AGAP1: variants seen among roughly 807,000 people sequenced by gnomAD.
AGAP1 encodes arf-GAP with GTPase, ANK repeat and PH domain-containing protein 1.
A neutral mutation model predicts 105.3 loss-of-function variants in AGAP1; 29 were observed. That is an observed-to-expected ratio of 0.28 (90% confidence interval 0.21 to 0.38). The LOEUF is 0.38. Ranked by LOEUF, AGAP1 falls within the 10% of genes least tolerant of loss-of-function variation. AGAP1 has a pLI of 1.00. For missense variants in AGAP1, 998 were observed against 1,165.1 expected (o/e 0.86, Z 2.09); for synonymous variants, 509 against 485.9 (o/e 1.05, Z -0.63).
At position 235,734,920 on chromosome 2, in the gene AGAP1, C is replaced by T. The variant is rs1952159101; in HGVS notation, c.311-6043C>T. ...GCTCTGTGTCTGAACTCCTTTTCCT[C>T]CTGAGTGGATTTGGGTGTTGCCAGT... is the stretch of plus-strand genomic sequence containing the variant. On this transcript the variant is annotated intron_variant, in intron 3 of 17. Coordinates refer to ENST00000304032, the MANE Select transcript of AGAP1 (RefSeq NM_001037131.3). The surrounding 1 kb of genome is among the most constrained non-coding windows in gnomAD (Gnocchi z 5.3). Among the ~76,000 whole-genome samples the T allele has an allele frequency of 6.6e-6, 1 of 151,956 alleles. No individual in the cohort carries two copies. The highest frequency in any genetic ancestry group is 2.4e-5 in the African/African-American group (1 of 41,412).
chr2:235,746,377 C>CTTTTTCTTTT (rs1553620164), intron 5 of AGAP1, among the ~76,000 whole-genome samples: 7 of 55,536 alleles, frequency 1.3e-4, no homozygotes, highest in Non-Finnish European at 2.1e-4. Flanking sequence ...CCTCCCCCAA[C>CTTTTTCTTTT]TTTTTTTTTT....
chr2:235,995,183 CT>C (rs2125475381), intron 13 of AGAP1, among the ~76,000 whole-genome samples: 2 of 149,148 alleles, frequency 1.3e-5, no homozygotes, highest in South Asian at 4.3e-4. Flanking sequence ...ATTTAATTTA[CT>C]TAAAGCTGTC....
intron 9 of AGAP1, among the ~76,000 whole-genome samples, chr2:235,860,269 T>C (rs2048875087): frequency 6.6e-6 from 1 of 152,214 alleles, no homozygotes; most frequent in African/African-American, 2.4e-5. Flanking sequence ...AAAAGGAAGA[T>C]AATAATGCTG....
chr2:235,781,648 G>A (rs1174940537), intron 6 of AGAP1, among the ~76,000 whole-genome samples: 1 of 152,130 alleles, frequency 6.6e-6, no homozygotes, highest in Non-Finnish European at 1.5e-5. Flanking sequence ...AGTCTCGGAG[G>A]CACCTAGAAG....
chr2:235,917,899 G>A (rs1191318196), intron 11 of AGAP1, among the ~76,000 whole-genome samples: 3 of 152,174 alleles, frequency 2.0e-5, no homozygotes, highest in Admixed American at 6.5e-5. Flanking sequence ...ACGCGGAGTC[G>A]CGAAGCTGCT....
At chr2:235,985,730 C>A (rs1307564438) in intron 13 of AGAP1, among the ~76,000 whole-genome samples, 2 of 152,168 alleles carry the variant, frequency 1.3e-5, no homozygotes, top group Non-Finnish European at 2.9e-5. Flanking sequence ...ATAGGAAATC[C>A]TTTCCCCATT....
intron 16 of AGAP1, among the ~76,000 whole-genome samples, chr2:236,102,598 AAAAGAAAG>A: frequency 7.4e-6 from 1 of 135,618 alleles, no homozygotes; most frequent in African/African-American, 3.3e-5. Flanking sequence ...AAAAAAAAAA[AAAAGAAAG>A]AAAGAAAGAA....
intron 1 of AGAP1, among the ~76,000 whole-genome samples, chr2:235,682,015 A>C (rs1025583228): frequency 2.6e-5 from 4 of 151,690 alleles, no homozygotes; most frequent in African/African-American, 9.7e-5. Context: ...ACGCCCAGCT[A>C]ATTTTTTTTG....
chr2:235,818,477 CTG>C (rs1301944481), intron 9 of AGAP1, among the ~76,000 whole-genome samples: 3 of 152,192 alleles, frequency 2.0e-5, no homozygotes, highest in African/African-American at 7.2e-5. Context: ...CAGTCTTGCT[CTG>C]TCACCCAGGC....
intron 6 of AGAP1, among the ~76,000 whole-genome samples, chr2:235,774,743 C>A (rs2249999): frequency 0.24 from 36,306 of 152,052 alleles, 4,938 homozygotes; most frequent in Admixed American, 0.39. Flanking sequence ...TTTTCAATGA[C>A]GTCTCAGAGT....
chr2:235,731,162 G>C (rs1362014146), intron 3 of AGAP1, among the ~76,000 whole-genome samples: 1 of 152,218 alleles, frequency 6.6e-6, no homozygotes, highest in Non-Finnish European at 1.5e-5. Flanking sequence ...AGATGTTCTT[G>C]ACCTGTGTAG....
At chr2:236,102,145 C>G (rs866497283) in intron 16 of AGAP1, among the ~76,000 whole-genome samples, 3 of 152,008 alleles carry the variant, frequency 2.0e-5, no homozygotes, top group Non-Finnish European at 2.9e-5. Flanking sequence ...AGGCCGGGCG[C>G]GGTGGCTCAC....
chr2:236,069,488 A>G (rs997578689), intron 16 of AGAP1, among the ~76,000 whole-genome samples: 2 of 152,174 alleles, frequency 1.3e-5, no homozygotes, highest in African/African-American at 2.4e-5. Flanking sequence ...CAGTGGCACA[A>G]CCTCGGCTCA....
At chr2:236,088,684 C>T (rs2058988169) in intron 16 of AGAP1, among the ~76,000 whole-genome samples, 1 of 152,192 alleles carries the variant, frequency 6.6e-6, no homozygotes. Context: ...TTTTTGTAAA[C>T]TAAGTCCAGA....
At chr2:235,554,815 G>A (rs557416468) in intron 1 of AGAP1, among the ~76,000 whole-genome samples, 4 of 152,162 alleles carry the variant, frequency 2.6e-5, no homozygotes, top group South Asian at 2.1e-4. Flanking sequence ...GATTACAGGC[G>A]CCTGCCACCA....
chr2:235,849,165 G>T (rs974554331), intron 9 of AGAP1, among the ~76,000 whole-genome samples: 3 of 152,212 alleles, frequency 2.0e-5, no homozygotes, highest in Admixed American at 2.0e-4. Context: ...TTAGCAGCAA[G>T]AGAATTTAAT....
rs1267447710 is a variant in AGAP1, at chr2:235,799,696, T to C, written c.957+174T>C. Among the ~76,000 whole-genome samples the C allele has an allele frequency of 1.3e-5, 2 of 152,174 alleles. No homozygotes were observed. The highest frequency in any genetic ancestry group is 4.8e-5 in the African/African-American group (2 of 41,458). On this transcript the variant is annotated intron_variant, in intron 8 of 17. Transcript: ENST00000304032. This position sits in a 1 kb window ranked among gnomAD's most constrained non-coding sequence, Gnocchi z 5.0. Reference sequence around the variant, plus strand: ...TTAAGAGAAGCAAAGATTTGGATGTTGAGTAGAATGGGAATTTCTTCATGT... The same window carrying C: ...TTAAGAGAAGCAAAGATTTGGATGTCGAGTAGAATGGGAATTTCTTCATGT...
rs1329401956 is a variant in AGAP1 at position 235,962,452 on chromosome 2, G to C, written c.1484-6010G>C. Among the ~76,000 whole-genome samples, 1 of 152,156 alleles carries C rather than the reference G, an allele frequency of 6.6e-6. No homozygotes were observed. Among genetic ancestry groups the C allele is most frequent in the Non-Finnish European group, 1.5e-5 (1 of 68,028 alleles). ...GTATAAGAAAAACCGTGGGATGTGAGCGGGTTGGACGTCAGATGGCATGGA... is the reference window on the plus strand; with the variant it reads ...GTATAAGAAAAACCGTGGGATGTGACCGGGTTGGACGTCAGATGGCATGGA... On this transcript the variant is annotated intron_variant, in intron 12 of 17. Coordinates refer to ENST00000304032, the MANE Select transcript of AGAP1 (RefSeq NM_001037131.3). The surrounding 1 kb of genome is among the most constrained non-coding windows in gnomAD (Gnocchi z 5.3).
chr2:235,826,422 A>T (rs1959066624), intron 9 of AGAP1, among the ~76,000 whole-genome samples: 1 of 151,834 alleles, frequency 6.6e-6, no homozygotes, highest in Non-Finnish European at 1.5e-5. Flanking sequence ...GCTCCGTTTC[A>T]CATATCTTTT....
Sources: gnomAD v4.1 joint callset for allele counts (sites outside exome capture counted in the v4.1 genomes callset) on GRCh38, gnomAD v4.1.1 for gene constraint, Gnocchi (gnomAD v3.1) non-coding constraint, MANE v1.5 for transcripts, NCBI Gene and HGNC (gene_info 2026-07-23, HGNC 2026-07-21) for gene names.